Variants in CXXC1 observed in about 807,000 individuals in gnomAD.
CXXC1 encodes the protein CXXC-type zinc finger protein 1.
In CXXC1, 21 loss-of-function variants were observed where a neutral mutation model predicts 83.6. That is an observed-to-expected ratio of 0.25 (90% CI 0.18 to 0.36). The LOEUF is 0.36. Among genes scored for constraint, CXXC1 ranks in the 10% least tolerant of loss-of-function variants. The pLI, the probability that CXXC1 is intolerant of heterozygous loss-of-function variation, is 1.00. For missense variants in CXXC1, 688 were observed against 919.5 expected (o/e 0.75, Z 3.26); for synonymous variants, 371 against 337.5 (o/e 1.10, Z -1.09).
intron 2 of CXXC1, 38 bp from the exon 3 acceptor site, chr18:50,286,677 C>T: frequency 6.2e-7 from 1 of 1,605,658 alleles, no homozygotes; most frequent in Non-Finnish European, 8.5e-7. Context: ...ATGTGAGGGG[C>T]GCGGCCCATC....
chr18:50,284,503 G>A lies in CXXC1; in HGVS notation c.1080C>T (p.His360=), dbSNP rs1213153515. The change falls in exon 9 of 15, where the codon CAC becomes CAT. Residue 360 remains histidine (H), a synonymous_variant. Transcript: ENST00000285106. ...QKQKHKDKWK[H]PERADAKDPA... ...GGTCCTTGGCATCAGCCCTCTCTGG[G>A]TGTTTCCATTTATCCTTGTGCTTCT... is the stretch of plus-strand genomic sequence containing the variant. 1.2e-6 allele frequency: 2 copies of A among 1,607,760 alleles called. No individual in the cohort carries two copies. The highest frequency in any genetic ancestry group is 2.2e-5 in the East Asian group (1 of 44,798).
rs2040482907 is a variant in CXXC1, at chr18:50,282,387, G to A, written c.*206C>T. The A allele has an allele frequency of 1.4e-5, 9 of 628,796 alleles. No individual in the cohort carries two copies. In the South Asian group the frequency reaches 1.6e-4, roughly 11 times the overall value. The allele number at this position is 628,796 out of a possible 1,614,324, so 39.0% of individuals were successfully genotyped here. A position where few individuals can be genotyped will look rare whatever the true frequency, so the allele number is the denominator to read the frequency against. ...TTTTATTAACAAAACCCAGGGAGAGGAGGCAAGGATGAGTGGACTCCGCAG... is the reference window on the plus strand; with the variant it reads ...TTTTATTAACAAAACCCAGGGAGAGAAGGCAAGGATGAGTGGACTCCGCAG... On this transcript the variant is annotated 3_prime_UTR_variant, in exon 15 of 15. Transcript: ENST00000285106. This position sits in a 1 kb window ranked among gnomAD's most constrained non-coding sequence, Gnocchi z 5.8.
Position 50,285,297 on chromosome 18 carries a change from C to G in CXXC1, c.666+28G>C, listed in dbSNP as rs184517071. On this transcript the variant is annotated intron_variant, in intron 6 of 14. Transcript: ENST00000285106. This position sits in a 1 kb window ranked among gnomAD's most constrained non-coding sequence, Gnocchi z 4.4. ...GCCCTGACCGCCCTGCCCGCATGCC[C>G]CACCCCACCCTGGGGGGCTGGACTC... The G allele has an allele frequency of 1.3e-3, 2,046 of 1,609,922 alleles. 23 individuals carry two copies. In the Admixed American group the frequency reaches 0.028, roughly 22 times the overall value.
In CXXC1 at chr18:50,283,689, A is replaced by C; in HGVS notation, c.1524+16T>G. 1.2e-6 allele frequency: 2 copies of C among 1,613,308 alleles called. No individual in the cohort carries two copies. The highest frequency in any genetic ancestry group is 1.7e-5 in the Admixed American group (1 of 60,018). On this transcript the variant is annotated intron_variant, in intron 11 of 14. Transcript: ENST00000285106. ...ATGTTCCCACATGGTCCGCCCCCTCAGTCTGACACCCCAACCTTGGCGTAG... is the reference window on the plus strand; with the variant it reads ...ATGTTCCCACATGGTCCGCCCCCTCCGTCTGACACCCCAACCTTGGCGTAG...
rs771297284 is a variant in CXXC1 at position 50,287,624 on chromosome 18, G to A, written c.-35C>T. ...CCCGGCGCACTCCCTCACGACCCCC[G>A]CCAGCGACCCGCGAACCTGCACAGA... On this transcript the variant is annotated 5_prime_UTR_variant, in exon 1 of 15. Transcript: ENST00000285106. The A allele has an allele frequency of 7.5e-6, 12 of 1,608,750 alleles. No individual in the cohort carries two copies. The highest frequency in any genetic ancestry group is 1.6e-4 in the Middle Eastern group (1 of 6,082).
Position 50,283,001 on chromosome 18 carries a change from T to C in CXXC1, c.1677A>G (p.Pro559=), listed in dbSNP as rs1019036607. The stretch of plus-strand genomic sequence containing the variant: ...GGGGGCACCCGCATACCTCGTCAGC[T>C]GGCACCTGCAAGGAGGCCAGGTTGG... ...CPEHSRDPKV[P]ADEVCGCPLV... is the part of the protein sequence containing the mutation. The change falls in exon 14 of 15, where the codon CCA becomes CCG. Residue 559 remains proline (P), a synonymous_variant. Transcript: ENST00000285106. 1 of 1,613,754 alleles carries C rather than the reference T, an allele frequency of 6.2e-7. No homozygotes were observed. The highest frequency in any genetic ancestry group is 1.3e-5 in the African/African-American group (1 of 74,826).
At position 50,285,109 on chromosome 18, in the gene CXXC1, G is replaced by A; in HGVS notation, c.805C>T (p.Pro269Ser). Residue 269 changes from proline (P) to serine (S), a missense_variant, in exon 7 of 15, where the codon CCT (proline) becomes TCT (serine). Physicochemically the swap from Pro to Ser is moderately conservative, Grantham distance 74. Transcript: ENST00000285106. This position sits in a 1 kb window ranked among gnomAD's most constrained non-coding sequence, Gnocchi z 4.4. ...GAVASSTVKE[P>S]PEATATPEPL... Reference sequence around the variant, plus strand: ...TCAGGTGTGGCTGTAGCCTCAGGAGGCTCCTTGACTGTTGATGACGCCACT... The same window carrying A: ...TCAGGTGTGGCTGTAGCCTCAGGAGACTCCTTGACTGTTGATGACGCCACT... The A allele has an allele frequency of 4.3e-6, 7 of 1,614,216 alleles. No individual in the cohort carries two copies. Among genetic ancestry groups the A allele is most frequent in the African/African-American group, 1.3e-5 (1 of 75,054 alleles).
chr18:50,286,319 CCT>C, intron 3 of CXXC1, 62 bp from the exon 4 acceptor site: 2 of 1,419,108 alleles, frequency 1.4e-6, no homozygotes, highest in Non-Finnish European at 1.9e-6. Context: ...GGTCCCAAAA[CCT>C]CTTTCTTCCT....
chr18:50,285,046 GGTC>G lies in CXXC1; in HGVS notation c.865_867del (p.Asp289del). ...GCCCCTGCACAGAAGTCCTGATACA[GGTC>G]AGGATCCAGAGGTAGGTCCTCATCT... is the stretch of plus-strand genomic sequence containing the variant. On this transcript the variant is annotated inframe_deletion, in exon 7 of 15. Coordinates refer to ENST00000285106, the MANE Select transcript of CXXC1 (RefSeq NM_014593.4). This position sits in a 1 kb window ranked among gnomAD's most constrained non-coding sequence, Gnocchi z 4.4. The G allele has an allele frequency of 6.2e-7, 1 of 1,614,256 alleles. No homozygotes were observed. The highest frequency in any genetic ancestry group is 8.5e-7 in the Non-Finnish European group (1 of 1,180,034).
In CXXC1 at chr18:50,286,764, T is replaced by C; in HGVS notation, c.98A>G (p.Lys33Arg). The C allele has an allele frequency of 6.2e-7, 1 of 1,614,056 alleles. No homozygotes were observed. Among genetic ancestry groups the C allele is most frequent in the South Asian group, 1.1e-5 (1 of 91,078 alleles). The change falls in exon 2 of 15, where the codon AAA becomes AGA. Residue 33 changes from lysine (K) to arginine (R), a missense_variant. By Grantham distance (26) the Lys-to-Arg change is conservative (BLOSUM62 2). Coordinates refer to ENST00000285106, the MANE Select transcript of CXXC1 (RefSeq NM_014593.4). ...CATCATGAAGCAGTTGATGTCCGGT[T>C]TGCGGCAGATGCAGTAGATGGGCGC... ...ENAPIYCICRKPDINCFMIGC... is the reference protein window; with the variant it reads ...ENAPIYCICRRPDINCFMIGC...
In CXXC1 at chr18:50,287,675, G is replaced by A. The variant is rs1304869441; in HGVS notation, c.-86C>T. ...CCACTCGGCGGCGTCCCAGGCGGTT[G>A]CAAAGGCGCCCACAACTACTTCCGC... On this transcript the variant is annotated 5_prime_UTR_variant, in exon 1 of 15. Transcript: ENST00000285106. The A allele has an allele frequency of 2.6e-6, 4 of 1,557,320 alleles. No homozygotes were observed. The highest frequency in any genetic ancestry group is 2.7e-5 in the African/African-American group (2 of 73,760).
In CXXC1 at chr18:50,285,459, G is replaced by A. The variant is rs1279537352; in HGVS notation, c.640-108C>T. On this transcript the variant is annotated intron_variant, in intron 5 of 14. Transcript: ENST00000285106. This position sits in a 1 kb window ranked among gnomAD's most constrained non-coding sequence, Gnocchi z 4.4. The stretch of plus-strand genomic sequence containing the variant: ...CTTACCTCCCCAGACACACCTCCCC[G>A]CTACCCCTCATTGCCAGGAATGCTC... The A allele has an allele frequency of 3.8e-5, 50 of 1,325,042 alleles. No individual in the cohort carries two copies. Among genetic ancestry groups the A allele is most frequent in the South Asian group, 2.9e-5 (2 of 67,986 alleles). 82.1% of individuals were successfully genotyped at this position (1,325,042 alleles called of 1,614,324 possible). A position where few individuals can be genotyped will look rare whatever the true frequency, so the allele number is the denominator to read the frequency against.
In CXXC1 at chr18:50,287,584, T is replaced by TA; in HGVS notation, c.3+2dup. The TA allele has an allele frequency of 6.2e-7, 1 of 1,612,094 alleles. No individual in the cohort carries two copies. Among genetic ancestry groups the TA allele is most frequent in the African/African-American group, 1.3e-5 (1 of 74,948 alleles). ...CGAACCCCTCCCTGGACCCGCTACT[T>TA]ACCATATCTCCGCTCCCGGCGCACT... On this transcript the variant is annotated splice_region_variant and intron_variant, in intron 1 of 14. Transcript: ENST00000285106.
chr18:50,283,204 A>G, intron 13 of CXXC1, 61 bp downstream of exon 13: 1 of 1,408,254 alleles, frequency 7.1e-7, no homozygotes, highest in Non-Finnish European at 1.0e-6. Context: ...GGAAGGGATG[A>G]ATGTGGGACA....
intron 9 of CXXC1, 36 bp from the exon 10 acceptor site, chr18:50,284,137 G>A (rs1259215229): frequency 1.3e-6 from 2 of 1,584,338 alleles, no homozygotes; most frequent in Non-Finnish European, 1.7e-6. Context: ...AATGAGTGAG[G>A]TGATCAGTAA....
At chr18:50,287,317 C>G (rs1264728250) in intron 1 of CXXC1, 2 of 553,304 alleles carry the variant, frequency 3.6e-6, no homozygotes, top group African/African-American at 3.8e-5. Flanking sequence ...CTCCTTACAA[C>G]CCGCTTATCC....
At chr18:50,286,698 C>A (rs766258613) in intron 2 of CXXC1, 42 bp downstream of exon 2, 6 of 1,609,900 alleles carry the variant, frequency 3.7e-6, no homozygotes, top group Non-Finnish European at 5.1e-6. Context: ...GGCCTCACCC[C>A]ACCCTGCCAG....
intron 1 of CXXC1, 191 bp from the exon 2 acceptor site, chr18:50,287,049 T>G (rs912597091): frequency 8.5e-6 from 5 of 590,422 alleles, no homozygotes; most frequent in Middle Eastern, 4.4e-4. Context: ...ATTACTCTGC[T>G]CCATACTTCC....
chr18:50,284,302 G>A, intron 9 of CXXC1, 76 bp downstream of exon 9: 2 of 1,519,278 alleles, frequency 1.3e-6, no homozygotes, highest in Non-Finnish European at 1.8e-6. Context: ...TGATTGACTG[G>A]TAGACATACA....
Sources: gnomAD v4.1 joint callset for allele counts on GRCh38, gnomAD v4.1.1 for gene constraint, Gnocchi (gnomAD v3.1) non-coding constraint, MANE v1.5 for transcripts, NCBI Gene and HGNC (gene_info 2026-07-23, HGNC 2026-07-21) for gene names.